Variants in KIAA0319 observed in about 807,000 individuals in gnomAD.
KIAA0319 encodes KIAA0319.
In KIAA0319, 83 loss-of-function variants were observed where a neutral mutation model predicts 108.4. That is an observed-to-expected ratio of 0.77 (90% confidence interval 0.64 to 0.92). The LOEUF is 0.92. Ranked by LOEUF, KIAA0319 falls within the 40% of genes least tolerant of loss-of-function variation. The pLI, the probability that KIAA0319 is intolerant of heterozygous loss-of-function variation, is 0.00. For synonymous variants in KIAA0319, 484 were observed against 510.4 expected (o/e 0.95, Z 0.70); for missense variants, 1,195 against 1,322.4 (o/e 0.90, Z 1.49).
chr6:24,602,523 G>A (rs546870583), intron 1 of KIAA0319, among the ~76,000 whole-genome samples: 21 of 152,280 alleles, frequency 1.4e-4, no homozygotes, highest in Admixed American at 3.3e-4. Context: ...CATCCTGGCC[G>A]GGTGCGGTGG....
chr6:24,613,675 G>C (rs2127557656), intron 1 of KIAA0319, among the ~76,000 whole-genome samples: 1 of 137,636 alleles, frequency 7.3e-6, no homozygotes, highest in African/African-American at 2.8e-5. Context: ...CAGATCATTT[G>C]AGGGAAAAAA....
At chr6:24,564,458 G>A (rs1763615582) in intron 14 of KIAA0319, 118 bp from the exon 15 acceptor site, 2 of 1,290,738 alleles carry the variant, frequency 1.5e-6, no homozygotes. Context: ...CTTTAAGAGG[G>A]AGGCTGCAGG....
At chr6:24,554,765 G>T (rs1015792041) in intron 18 of KIAA0319, 134 bp from the exon 19 acceptor site, 25 of 663,832 alleles carry the variant, frequency 3.8e-5, no homozygotes, top group Non-Finnish European at 5.6e-5. Context: ...CATCAGACTG[G>T]TAGCAGAGCA....
intron 2 of KIAA0319, 33 bp downstream of exon 2, chr6:24,601,016 A>G (rs1212588098): frequency 1.2e-6 from 2 of 1,613,858 alleles, no homozygotes. Flanking sequence ...ACTCAAGTCC[A>G]ACACGGGTAT....
chr6:24,641,552 C>G (rs564406199), intron 1 of KIAA0319, among the ~76,000 whole-genome samples: 1 of 152,256 alleles, frequency 6.6e-6, no homozygotes, highest in Admixed American at 6.5e-5. Flanking sequence ...GACTAGTTAA[C>G]CTAGTTAGCA....
intron 14 of KIAA0319, among the ~76,000 whole-genome samples, chr6:24,565,752 C>CAAAAAAAAAAAA (rs71542686): frequency 1.1e-4 from 7 of 62,694 alleles, no homozygotes; most frequent in Non-Finnish European, 1.6e-4. Flanking sequence ...GACTCCATCT[C>CAAAAAAAAAAAA]AAAAAAAAAA....
intron 1 of KIAA0319, among the ~76,000 whole-genome samples, chr6:24,633,882 C>T (rs1440430718): frequency 1.3e-5 from 2 of 152,050 alleles, no homozygotes; most frequent in East Asian, 3.9e-4. Context: ...CAAATGCTGT[C>T]ATGACAACTG....
chr6:24,629,688 C>T (rs1284727359), intron 1 of KIAA0319, among the ~76,000 whole-genome samples: 1 of 151,878 alleles, frequency 6.6e-6, no homozygotes, highest in Non-Finnish European at 1.5e-5. Flanking sequence ...GTGACTGAAA[C>T]GTTGCTGTCC....
intron 17 of KIAA0319, among the ~76,000 whole-genome samples, chr6:24,558,116 GA>G (rs113940774): frequency 0.29 from 44,335 of 150,508 alleles, 7,794 homozygotes; most frequent in African/African-American, 0.5. Flanking sequence ...TTTGTAGCTA[GA>G]AAAAAAAAGG....
At position 24,623,728 on chromosome 6, in the gene KIAA0319, C is replaced by T. The variant is rs573703712; in HGVS notation, c.-106+22008G>A. Among the ~76,000 whole-genome samples, 8 of 152,134 alleles carry T rather than the reference C, an allele frequency of 5.3e-5. No individual in the cohort carries two copies. In the South Asian group the frequency reaches 1.5e-3, roughly 28 times the overall value. ...AGCGTTTGATAGCAAAGTAGGGTGA[C>T]TATAGTTAACAATAATTTATTGTGC... On this transcript the variant is annotated intron_variant, in intron 1 of 20. Coordinates refer to ENST00000378214, the MANE Select transcript of KIAA0319 (RefSeq NM_014809.4).
chr6:24,597,148 G>A (rs2127525702), intron 2 of KIAA0319, among the ~76,000 whole-genome samples: 1 of 152,160 alleles, frequency 6.6e-6, no homozygotes, highest in African/African-American at 2.4e-5. Context: ...TACTTAACAG[G>A]AACATTCTTC....
chr6:24,564,101 C>G, intron 15 of KIAA0319, 101 bp downstream of exon 15: 1 of 1,459,710 alleles, frequency 6.9e-7, no homozygotes, highest in Non-Finnish European at 9.3e-7. Flanking sequence ...CTGGAGCCAG[C>G]CACAGGAGGC....
chr6:24,583,630 G>T lies in KIAA0319; in HGVS notation c.1067C>A (p.Ala356Asp), dbSNP rs1356294415. ...TLPDNEVELK[A>D]FVAPAPPVET... ...TACAGGTGGCGCTGGCGCAACAAAG[G>T]CCTTCAGTTCAACTTCATTGTCGGG... The change falls in exon 5 of 21, where the codon GCC becomes GAC. Residue 356 changes from alanine to aspartate, a missense_variant. By Grantham distance (126) the Ala-to-Asp change is moderately radical. Transcript: ENST00000378214. 1 of 1,613,494 alleles carries T rather than the reference G, an allele frequency of 6.2e-7. No homozygotes were observed. The highest frequency in any genetic ancestry group is 1.1e-5 in the South Asian group (1 of 91,026).
chr6:24,549,438 T>G (rs983602299), intron 20 of KIAA0319, among the ~76,000 whole-genome samples: 1 of 151,966 alleles, frequency 6.6e-6, no homozygotes, highest in Admixed American at 6.6e-5. Flanking sequence ...AGATGTTGAA[T>G]TTGCCTTCCC....
chr6:24,553,340 C>CATAT (rs71542684), intron 19 of KIAA0319, among the ~76,000 whole-genome samples: 2,494 of 124,108 alleles, frequency 0.02, 84 homozygotes, highest in African/African-American at 0.065. Context: ...CACACACGCA[C>CATAT]ATATATATAT....
At chr6:24,555,241 A>G (rs1191981791) in intron 18 of KIAA0319, among the ~76,000 whole-genome samples, 1 of 152,198 alleles carries the variant, frequency 6.6e-6, no homozygotes, top group Non-Finnish European at 1.5e-5. Flanking sequence ...TCACGCCTGT[A>G]ATCCCAACAC....
Position 24,566,583 on chromosome 6 carries a change from C to T in KIAA0319, c.2292+14G>A. 6.3e-7 allele frequency: 1 copy of T among 1,595,274 alleles called. No individual in the cohort carries two copies. The highest frequency in any genetic ancestry group is 1.1e-5 in the South Asian group (1 of 87,260). Reference sequence around the variant, plus strand: ...TGATAAGTGGTCTAGGAGCAATTCTCTCTCAGTACTCACTCCAGCTGCTGG... The same window carrying T: ...TGATAAGTGGTCTAGGAGCAATTCTTTCTCAGTACTCACTCCAGCTGCTGG... On this transcript the variant is annotated intron_variant, in intron 14 of 20. Coordinates refer to ENST00000378214, the MANE Select transcript of KIAA0319 (RefSeq NM_014809.4).
intron 11 of KIAA0319, 108 bp downstream of exon 11, chr6:24,572,467 T>G (rs1764856198): frequency 7.9e-7 from 1 of 1,263,088 alleles, no homozygotes. Context: ...TATGGAGCTT[T>G]GGCACCCACA....
At chr6:24,617,779 G>A (rs1340274478) in intron 1 of KIAA0319, among the ~76,000 whole-genome samples, 1 of 152,162 alleles carries the variant, frequency 6.6e-6, no homozygotes, top group African/African-American at 2.4e-5. Flanking sequence ...CTGAGGTCAG[G>A]AGTTCAAGAC....
Sources: allele counts gnomAD v4.1 joint callset (sites outside exome capture counted in the v4.1 genomes callset), GRCh38; gene constraint gnomAD v4.1.1; transcripts MANE v1.5; gene names NCBI Gene and HGNC (gene_info 2026-07-23, HGNC 2026-07-21).